CEP112: variants seen among roughly 807,000 people sequenced by gnomAD.
The protein encoded by CEP112 is centrosomal protein 112, also known as centrosomal protein of 112 kDa.
In CEP112, 127 loss-of-function variants were observed where a neutral mutation model predicts 153.0. The ratio of observed to expected loss-of-function variants is 0.83; its 90% CI spans 0.72 to 0.96. CEP112 has a LOEUF of 0.96. Ranked by LOEUF, CEP112 falls within the 40% of genes least tolerant of loss-of-function variation. The probability of loss-of-function intolerance (pLI) is 0.00; values close to 1 mark genes in which losing one functional copy is unlikely to be tolerated. For synonymous variants in CEP112, 358 were observed against 374.4 expected (o/e 0.96, Z 0.51); for missense variants, 1,089 against 1,101.2 (o/e 0.99, Z 0.16).
intron 23 of CEP112, among the ~76,000 whole-genome samples, chr17:65,712,783 T>A (rs1056306068): frequency 4.6e-5 from 7 of 152,180 alleles, no homozygotes; most frequent in African/African-American, 1.4e-4. Context: ...TGAGGAGATG[T>A]GAACAAAGAC....
chr17:65,894,389 T>C (rs908001449), intron 20 of CEP112, among the ~76,000 whole-genome samples: 6 of 152,090 alleles, frequency 3.9e-5, no homozygotes, highest in African/African-American at 1.4e-4. Context: ...ATTATACCCT[T>C]GTATCGGTAT....
chr17:65,778,355 G>A (rs931638982), intron 21 of CEP112, among the ~76,000 whole-genome samples: 14 of 152,262 alleles, frequency 9.2e-5, no homozygotes, highest in African/African-American at 2.9e-4. Context: ...CTGTCCCTCT[G>A]CCATAATCCT....
chr17:66,050,803 T>G (rs2066407067), intron 12 of CEP112, among the ~76,000 whole-genome samples: 1 of 152,238 alleles, frequency 6.6e-6, no homozygotes, highest in Admixed American at 6.5e-5. Context: ...TGATTTAGGG[T>G]TATGCTTTCT....
intron 20 of CEP112, among the ~76,000 whole-genome samples, chr17:65,872,338 C>T (rs192967608): frequency 3.9e-5 from 6 of 151,990 alleles, no homozygotes; most frequent in African/African-American, 1.4e-4. Context: ...ACATTAGAAT[C>T]ATAATACATG....
intron 20 of CEP112, among the ~76,000 whole-genome samples, chr17:65,890,222 T>C (rs527422464): frequency 8.5e-5 from 13 of 152,188 alleles, no homozygotes; most frequent in Non-Finnish European, 1.5e-4. Flanking sequence ...AATATTAAAG[T>C]GGAGGAATGG....
chr17:65,851,847 A>G lies in CEP112; in HGVS notation c.2351T>C (p.Leu784Pro). ...TGTCTCAGCAGCATGAGTCTTTTTCAGCTCTATTTTCATCTTTTCTGATTC... is the reference window on the plus strand; with the variant it reads ...TGTCTCAGCAGCATGAGTCTTTTTCGGCTCTATTTTCATCTTTTCTGATTC... The part of the protein sequence containing the change: ...KAESEKMKIE[L>P]KKTHAAETEM... Residue 784 changes from leucine (L) to proline (P), a missense_variant, in exon 21 of 27, where the codon CTG (leucine) becomes CCG (proline). Transcript: ENST00000535342. 6.2e-7 allele frequency: 1 copy of G among 1,614,010 alleles called. No individual in the cohort carries two copies. Among genetic ancestry groups the G allele is most frequent in the South Asian group, 1.1e-5 (1 of 91,052 alleles).
At chr17:65,985,609 A>G (rs2063379639) in intron 17 of CEP112, among the ~76,000 whole-genome samples, 1 of 152,216 alleles carries the variant, frequency 6.6e-6, no homozygotes, top group South Asian at 2.1e-4. Flanking sequence ...AATAAAGCAT[A>G]TATTCAATGG....
intron 21 of CEP112, among the ~76,000 whole-genome samples, chr17:65,768,622 C>T (rs1307494050): frequency 6.6e-6 from 1 of 151,814 alleles, no homozygotes; most frequent in Non-Finnish European, 1.5e-5. Flanking sequence ...TGGGTTTTAC[C>T]CCTGACATGC....
At chr17:65,935,937 AAAC>A (rs2061290550) in intron 18 of CEP112, among the ~76,000 whole-genome samples, 2 of 152,084 alleles carry the variant, frequency 1.3e-5, no homozygotes, top group African/African-American at 4.8e-5. Flanking sequence ...GAGACTAGAA[AAAC>A]AATAAAAAAG....
intron 21 of CEP112, among the ~76,000 whole-genome samples, chr17:65,790,991 C>T (rs1203481060): frequency 6.6e-6 from 1 of 151,980 alleles, no homozygotes; most frequent in African/African-American, 2.4e-5. Context: ...GCACTGCAGG[C>T]TACCCTATCT....
At chr17:66,174,662 C>G (rs969177385) in intron 4 of CEP112, among the ~76,000 whole-genome samples, 1 of 152,004 alleles carries the variant, frequency 6.6e-6, no homozygotes, top group Non-Finnish European at 1.5e-5. Flanking sequence ...GTTTAATACT[C>G]TAGTAAGAAA....
At chr17:65,752,639 C>G (rs1372794698) in intron 21 of CEP112, among the ~76,000 whole-genome samples, 1 of 152,190 alleles carries the variant, frequency 6.6e-6, no homozygotes, top group Non-Finnish European at 1.5e-5. Flanking sequence ...GACTTTCAAC[C>G]AATCTTCCAG....
intron 20 of CEP112, among the ~76,000 whole-genome samples, chr17:65,865,792 C>T (rs1598821141): frequency 6.6e-6 from 1 of 152,214 alleles, no homozygotes; most frequent in Non-Finnish European, 1.5e-5. Flanking sequence ...TGGGAGGCCC[C>T]TGGAGCCCGC....
intron 21 of CEP112, among the ~76,000 whole-genome samples, chr17:65,837,321 C>T (rs536474881): frequency 2.6e-5 from 4 of 151,360 alleles, no homozygotes; most frequent in South Asian, 2.1e-4. Context: ...AAGTGAGGAG[C>T]GCCTCTTCCT....
rs145500071 is a variant in CEP112, at chr17:65,874,360, G to A, written c.2164-22326C>T. Among the ~76,000 whole-genome samples, 228 of 152,154 alleles carry A rather than the reference G, an allele frequency of 1.5e-3. 1 individual carries two copies. Among genetic ancestry groups the A allele is most frequent in the African/African-American group, 5.1e-3 (213 of 41,550 alleles). On this transcript the variant is annotated intron_variant, in intron 20 of 26. Transcript: ENST00000535342. ...TTACAGAGGCTTAGATTCCAGTGAC[G>A]AGGGCACTTTCTTAAATTTTTAACA...
intron 17 of CEP112, among the ~76,000 whole-genome samples, chr17:65,962,732 A>AGTGC (rs2062253761): frequency 6.6e-6 from 1 of 151,558 alleles, no homozygotes; most frequent in South Asian, 2.1e-4. Context: ...CATGATAGTG[A>AGTGC]GTCTAATGAG....
chr17:65,803,014 A>G (rs1056808332), intron 21 of CEP112, among the ~76,000 whole-genome samples: 2 of 152,230 alleles, frequency 1.3e-5, no homozygotes, highest in Non-Finnish European at 2.9e-5. Flanking sequence ...GGTGATATGA[A>G]TTCCACCTGG....
At chr17:66,131,514 G>T (rs938865702) in intron 5 of CEP112, among the ~76,000 whole-genome samples, 6 of 152,118 alleles carry the variant, frequency 3.9e-5, no homozygotes, top group Admixed American at 3.9e-4. Flanking sequence ...GGCTGAGGCG[G>T]GCGGATCACG....
intron 20 of CEP112, among the ~76,000 whole-genome samples, chr17:65,864,551 T>A (rs558298897): frequency 6.6e-6 from 1 of 152,324 alleles, no homozygotes; most frequent in Admixed American, 6.5e-5. Context: ...TGATACAGTA[T>A]GGAAGTGACT....
Sources: allele counts gnomAD v4.1 joint callset (sites outside exome capture counted in the v4.1 genomes callset), GRCh38; gene constraint gnomAD v4.1.1; transcripts MANE v1.5; gene names NCBI Gene and HGNC (gene_info 2026-07-23, HGNC 2026-07-21).